HLTF: variants seen among roughly 807,000 people sequenced by gnomAD.
HLTF encodes the protein DNA-dependent ATPase/E3 ubiquitin-protein ligase HLTF.
Under a neutral mutation model 129.4 loss-of-function variants are expected in HLTF, and 127 were observed. That is an observed-to-expected ratio of 0.98 (90% CI 0.85 to 1.14). The LOEUF is 1.14. Ranked by LOEUF, HLTF falls within the 50% of genes most tolerant of loss-of-function variation. The pLI is 0.00. For missense variants in HLTF, 1,139 were observed against 1,187.1 expected (o/e 0.96, Z 0.60); for synonymous variants, 332 against 388.8 (o/e 0.85, Z 1.72).
chr3:149,063,529 T>A lies in HLTF; in HGVS notation c.1067-5A>T. On this transcript the variant is annotated splice_region_variant and splice_polypyrimidine_tract_variant and intron_variant, in intron 9 of 24. Coordinates refer to ENST00000310053, the MANE Select transcript of HLTF (RefSeq NM_003071.4). ...GTTCACTACATCTAGATGCGTCTAT[T>A]TCAAAGAAAAATGCAAATATAAAGT... is the stretch of plus-strand genomic sequence containing the variant. 6.5e-7 allele frequency: 1 copy of A among 1,549,158 alleles called. No individual in the cohort carries two copies. Among genetic ancestry groups the A allele is most frequent in the Non-Finnish European group, 8.9e-7 (1 of 1,121,344 alleles).
chr3:149,083,670 G>A (rs887156837), intron 2 of HLTF: 1 of 151,560 alleles, frequency 6.6e-6, no homozygotes, highest in Admixed American at 6.6e-5. Context: ...AGCACTTGGA[G>A]AGGCCAAGGC....
chr3:149,078,715 G>A (rs1315016970), intron 2 of HLTF, among the ~76,000 whole-genome samples: 2 of 151,942 alleles, frequency 1.3e-5, no homozygotes, highest in Non-Finnish European at 2.9e-5. Flanking sequence ...AAATTAGCCG[G>A]GCGAGGTGGC....
intron 23 of HLTF, among the ~76,000 whole-genome samples, chr3:149,038,107 G>A (rs576268048): frequency 6.6e-6 from 1 of 152,158 alleles, no homozygotes; most frequent in Non-Finnish European, 1.5e-5. Flanking sequence ...TGCTAAAAAT[G>A]CAGCTTCCTG....
chr3:149,039,897 TA>T, intron 21 of HLTF, 133 bp downstream of exon 21: 2 of 809,930 alleles, frequency 2.5e-6, no homozygotes, highest in South Asian at 4.1e-5. Flanking sequence ...CCACTAAAAA[TA>T]AAAAGCCAGT....
intron 2 of HLTF, among the ~76,000 whole-genome samples, chr3:149,078,132 CA>C (rs908709305): frequency 2.3e-4 from 35 of 150,526 alleles, no homozygotes; most frequent in Admixed American, 7.3e-4. Flanking sequence ...ACAAGACATG[CA>C]AAAAAAATAA....
At chr3:149,039,503 GTT>G (rs373823328) in intron 22 of HLTF, 76 bp downstream of exon 22, 25 of 603,428 alleles carry the variant, frequency 4.1e-5, no homozygotes, top group South Asian at 1.2e-4. Flanking sequence ...AACAAATTAA[GTT>G]TTTTTTTTTG....
chr3:149,084,461 C>T (rs1444742117), intron 2 of HLTF, among the ~76,000 whole-genome samples: 2 of 152,148 alleles, frequency 1.3e-5, no homozygotes, highest in South Asian at 2.1e-4. Context: ...CCAAACATAA[C>T]GCACTGAGGC....
intron 9 of HLTF, 139 bp downstream of exon 9, chr3:149,064,652 G>A (rs1156929477): frequency 3.6e-6 from 2 of 562,150 alleles, no homozygotes; most frequent in African/African-American, 3.9e-5. Flanking sequence ...TTAAAAAAGA[G>A]ATCCTAAATT....
rs1456847979 is a variant in HLTF at position 149,034,367 on chromosome 3, T to A, written c.2877+551A>T. Among the ~76,000 whole-genome samples, 4 of 152,106 alleles carry A rather than the reference T, an allele frequency of 2.6e-5. No homozygotes were observed. The East Asian group carries it at 7.7e-4, about 29-fold the overall frequency. ...ATATATTACGATATATCTATATGGT[T>A]TTGTAGAGTAGTCAAATTCAGAGAA... is the stretch of plus-strand genomic sequence containing the variant. On this transcript the variant is annotated intron_variant, in intron 24 of 24. Transcript: ENST00000310053.
intron 13 of HLTF, among the ~76,000 whole-genome samples, chr3:149,057,479 T>G (rs1479376519): frequency 6.6e-6 from 1 of 152,160 alleles, no homozygotes; most frequent in Non-Finnish European, 1.5e-5. Flanking sequence ...GCAAAACTCA[T>G]GTATATGGAA....
chr3:149,056,328 T>C (rs944375092), intron 13 of HLTF, among the ~76,000 whole-genome samples: 1 of 152,226 alleles, frequency 6.6e-6, no homozygotes, highest in African/African-American at 2.4e-5. Flanking sequence ...TGTTTAAAAA[T>C]AGTGATAATA....
In HLTF at chr3:149,049,019, T is replaced by C. The variant is rs757297184; in HGVS notation, c.1618-18A>G. On this transcript the variant is annotated intron_variant, in intron 15 of 24. Coordinates refer to ENST00000310053, the MANE Select transcript of HLTF (RefSeq NM_003071.4). ...CCTTTAGTCTGAAATAAATGTTTTA[T>C]ATGAATTAAAAAACACAGGAAAGTA... 1.3e-6 allele frequency: 2 copies of C among 1,552,802 alleles called. No individual in the cohort carries two copies. The highest frequency in any genetic ancestry group is 1.1e-5 in the South Asian group (1 of 87,124).
chr3:149,068,401 C>A (rs1178210853), intron 7 of HLTF, 66 bp from the exon 8 acceptor site: 3 of 711,828 alleles, frequency 4.2e-6, no homozygotes, highest in South Asian at 1.9e-5. Flanking sequence ...AAAACGTTCC[C>A]ATTTTAAAAT....
At chr3:149,078,925 A>T (rs773394169) in intron 2 of HLTF, among the ~76,000 whole-genome samples, 1 of 152,228 alleles carries the variant, frequency 6.6e-6, no homozygotes, top group Non-Finnish European at 1.5e-5. Context: ...ACGCATGTCT[A>T]AAAGCATGGA....
At chr3:149,073,486 T>C (rs1358020712) in intron 4 of HLTF, among the ~76,000 whole-genome samples, 164 bp from the exon 5 acceptor site, 1 of 152,146 alleles carries the variant, frequency 6.6e-6, no homozygotes, top group East Asian at 1.9e-4. Flanking sequence ...CTGAGTCCAG[T>C]AGTTTGAGAC....
intron 1 of HLTF, among the ~76,000 whole-genome samples, chr3:149,086,063 C>T (rs1720370146): frequency 6.6e-6 from 1 of 152,134 alleles, no homozygotes; most frequent in African/African-American, 2.4e-5. Context: ...GGCCGAGATG[C>T]TTTAAGCCCC....
In HLTF at chr3:149,030,208, A is replaced by G. The variant is rs577723896; in HGVS notation, c.*2012T>C. ...TGTTTGAATCACAAGTGGTAATACAATGTCTTCAATATTTTTCTAAAGTTA... is the reference window on the plus strand; with the variant it reads ...TGTTTGAATCACAAGTGGTAATACAGTGTCTTCAATATTTTTCTAAAGTTA... On this transcript the variant is annotated 3_prime_UTR_variant, in exon 25 of 25. Coordinates refer to ENST00000310053, the MANE Select transcript of HLTF (RefSeq NM_003071.4). 2.0e-5 allele frequency: 3 copies of G among 152,330 alleles called. No homozygotes were observed. The highest frequency in any genetic ancestry group is 4.4e-5 in the Non-Finnish European group (3 of 68,020). The allele number at this position is 152,330 out of a possible 1,614,324, so 9.4% of individuals were successfully genotyped here. A position where few individuals can be genotyped will look rare whatever the true frequency, so the allele number is the denominator to read the frequency against.
At chr3:149,043,573 G>C (rs1451069108) in intron 18 of HLTF, among the ~76,000 whole-genome samples, 1 of 144,138 alleles carries the variant, frequency 6.9e-6, no homozygotes, top group East Asian at 2.0e-4. Flanking sequence ...AAAAAAACCA[G>C]GCTTCCCCAC....
At chr3:149,053,332 T>C (rs1477374507) in intron 14 of HLTF, among the ~76,000 whole-genome samples, 1 of 152,196 alleles carries the variant, frequency 6.6e-6, no homozygotes, top group African/African-American at 2.4e-5. Context: ...TGCTATCCCC[T>C]TGGTGATGAG....
Sources: allele counts gnomAD v4.1 joint callset (sites outside exome capture counted in the v4.1 genomes callset), GRCh38; gene constraint gnomAD v4.1.1; transcripts MANE v1.5; gene names NCBI Gene and HGNC (gene_info 2026-07-23, HGNC 2026-07-21).